The following HERC3 variants were observed in gnomAD, a reference collection of about 807,000 sequenced individuals.
HERC3 encodes the protein HECT and RLD domain containing E3 ubiquitin protein ligase 3.
HERC3 carries 58 observed loss-of-function variants against 129.9 expected under a neutral mutation model. The observed-to-expected ratio is 0.45, with a 90% confidence interval of 0.36 to 0.56. The LOEUF is 0.56. Among genes scored for constraint, HERC3 ranks in the 20% least tolerant of loss-of-function variants. The pLI, the probability that HERC3 is intolerant of heterozygous loss-of-function variation, is 0.00. For synonymous variants in HERC3, 430 were observed against 451.0 expected, an observed-to-expected ratio of 0.95 and a Z score of 0.59; for missense variants, 835 against 1,244.2, an observed-to-expected ratio of 0.67 and a Z score of 4.95.
At chr4:88,646,640 A>G (rs1292733944) in intron 3 of HERC3, among the ~76,000 whole-genome samples, 2 of 152,170 alleles carry the variant, frequency 1.3e-5, no homozygotes, top group Admixed American at 1.3e-4. Context: ...GCATGTGAAA[A>G]TGAATCAGAG....
intron 2 of HERC3, chr4:88,598,156 G>A (rs1178886852): frequency 6.6e-6 from 1 of 152,182 alleles, no homozygotes; most frequent in Non-Finnish European, 1.5e-5. Flanking sequence ...AGTCCTGCCT[G>A]AGTGTTATTT....
chr4:88,558,099 A>T, the HERC3 span, among the ~76,000 whole-genome samples: 1 of 150,278 alleles, frequency 6.7e-6, no homozygotes, highest in Non-Finnish European at 1.5e-5. Flanking sequence ...AAAAAAAGAA[A>T]AAAAGAACTA....
intron 19 of HERC3, 141 bp downstream of exon 19, chr4:88,678,275 T>C: frequency 1.5e-6 from 1 of 661,208 alleles, no homozygotes; most frequent in Non-Finnish European, 2.6e-6. Context: ...CACCTACTTT[T>C]GTCAAATCAC....
the HERC3 span, among the ~76,000 whole-genome samples, chr4:88,572,097 G>A: frequency 3.3e-5 from 5 of 152,040 alleles, no homozygotes; most frequent in Non-Finnish European, 7.4e-5. Flanking sequence ...GGGAGAAGAG[G>A]GCCACATACA....
intron 16 of HERC3, among the ~76,000 whole-genome samples, chr4:88,674,260 CAG>C (rs1357392305): frequency 6.6e-6 from 1 of 152,068 alleles, no homozygotes; most frequent in African/African-American, 2.4e-5. Context: ...GGGAGAGAGT[CAG>C]AGAACAGGAG....
intron 8 of HERC3, 84 bp downstream of exon 8, chr4:88,655,388 C>G (rs1222935053): frequency 6.9e-7 from 1 of 1,444,206 alleles, no homozygotes; most frequent in Non-Finnish European, 9.6e-7. Context: ...TGTGATTATA[C>G]CTAGTCACCG....
In HERC3 at chr4:88,704,209, G is replaced by A. The variant is rs758775426; in HGVS notation, c.2769G>A (p.Glu923=). The A allele has an allele frequency of 6.2e-7, 1 of 1,614,126 alleles. No homozygotes were observed. Among genetic ancestry groups the A allele is most frequent in the Non-Finnish European group, 8.5e-7 (1 of 1,179,992 alleles). The change falls in exon 24 of 26, where the codon GAG becomes GAA. Residue 923 remains glutamate, a synonymous_variant. Coordinates refer to ENST00000402738, the MANE Select transcript of HERC3 (RefSeq NM_014606.3). ...FLKVCGGKVL[E]LFQPSELRAM... ...AGGTGTGTGGTGGCAAAGTACTTGA[G>A]CTCTTCCAGCCTTCAGAACTGAGGG...
intron 5 of HERC3, 72 bp downstream of exon 5, chr4:88,652,160 T>C: frequency 8.4e-7 from 1 of 1,186,182 alleles, no homozygotes; most frequent in Non-Finnish European, 1.3e-6. Context: ...TTTTGTGTGA[T>C]ATTATCTAAC....
chr4:88,613,684 T>C (rs534568224), intron 3 of HERC3, among the ~76,000 whole-genome samples: 1 of 152,326 alleles, frequency 6.6e-6, no homozygotes, highest in Admixed American at 6.5e-5. Flanking sequence ...CGTGTTTCTA[T>C]GGGCATAACG....
chr4:88,594,838 C>T (rs566766831), intron 1 of HERC3, among the ~76,000 whole-genome samples: 1 of 152,244 alleles, frequency 6.6e-6, no homozygotes, highest in South Asian at 2.1e-4. Context: ...CAGTGGCTCA[C>T]ACCTGTAATC....
At chr4:88,648,827 G>C (rs1578238955) in intron 3 of HERC3, among the ~76,000 whole-genome samples, 6 of 148,774 alleles carry the variant, frequency 4.0e-5, no homozygotes, top group Admixed American at 4.0e-4. Flanking sequence ...TTCCCCTTCT[G>C]ATTTTCTCTT....
chr4:88,572,091 G>A, the HERC3 span, among the ~76,000 whole-genome samples: 1 of 152,138 alleles, frequency 6.6e-6, no homozygotes, highest in Non-Finnish European at 1.5e-5. Flanking sequence ...GTCACAGGGA[G>A]AAGAGGGCCA....
Position 88,693,648 on chromosome 4 carries a change from TAA to T in HERC3, c.2657+6351_2657+6352del, listed in dbSNP as rs964910744. On this transcript the variant is annotated intron_variant, in intron 23 of 25. Coordinates refer to ENST00000402738, the MANE Select transcript of HERC3 (RefSeq NM_014606.3). Reference sequence around the variant, plus strand: ...TTATGTTATGCAAATTTCACCTCAATAAAGTGTGTACATGTGTGTATATGTGT... The same window carrying T: ...TTATGTTATGCAAATTTCACCTCAATAGTGTGTACATGTGTGTATATGTGT... The T allele has an allele frequency of 2.9e-5, 28 of 981,704 alleles. No homozygotes were observed. In the African/African-American group the frequency reaches 3.8e-4, roughly 13 times the overall value. The allele number at this position is 981,704 out of a possible 1,614,324, so 60.8% of individuals were successfully genotyped here. A position where few individuals can be genotyped will look rare whatever the true frequency, so the allele number is the denominator to read the frequency against.
At chr4:88,538,726 G>A in the HERC3 span, among the ~76,000 whole-genome samples, 6 of 151,906 alleles carry the variant, frequency 3.9e-5, no homozygotes, top group Non-Finnish European at 8.8e-5. Flanking sequence ...TGTATTTTTA[G>A]TAGAGATGGG....
At chr4:88,626,088 G>C (rs1028303951) in intron 3 of HERC3, among the ~76,000 whole-genome samples, 1 of 152,146 alleles carries the variant, frequency 6.6e-6, no homozygotes, top group African/African-American at 2.4e-5. Flanking sequence ...CAGTTTTCTT[G>C]TAGTGTCTTT....
chr4:88,675,226 A>G (rs2149308590), intron 16 of HERC3, among the ~76,000 whole-genome samples: 1 of 152,280 alleles, frequency 6.6e-6, no homozygotes, highest in Non-Finnish European at 1.5e-5. Context: ...CTGTTAAACC[A>G]TGTTTATGCA....
At chr4:88,550,866 G>A in the HERC3 span, among the ~76,000 whole-genome samples, 4 of 151,900 alleles carry the variant, frequency 2.6e-5, no homozygotes, top group East Asian at 1.9e-4. Context: ...GAGGCATCAC[G>A]TTACCTGACT....
At chr4:88,630,160 T>A (rs1447807660) in intron 3 of HERC3, among the ~76,000 whole-genome samples, 3 of 152,192 alleles carry the variant, frequency 2.0e-5, no homozygotes, top group Non-Finnish European at 4.4e-5. Flanking sequence ...AATGGACCTG[T>A]CTTGATTCTG....
chr4:88,666,383 G>A (rs1439752510), intron 12 of HERC3, among the ~76,000 whole-genome samples: 1 of 151,986 alleles, frequency 6.6e-6, no homozygotes, highest in African/African-American at 2.4e-5. Context: ...AAAAGCATAT[G>A]GAAAATTACA....
Sources: gnomAD v4.1 joint callset for allele counts (sites outside exome capture counted in the v4.1 genomes callset) on GRCh38, gnomAD v4.1.1 for gene constraint, MANE v1.5 for transcripts, NCBI Gene and HGNC (gene_info 2026-07-23, HGNC 2026-07-21) for gene names.